The following LRBA variants were observed in gnomAD, a reference collection of about 807,000 sequenced individuals.
LRBA encodes the protein lipopolysaccharide-responsive and beige-like anchor protein.
LRBA carries 176 observed loss-of-function variants against 330.0 expected under a neutral mutation model. That is an observed-to-expected ratio of 0.53 (90% CI 0.47 to 0.60). The LOEUF is 0.60. Ranked by LOEUF, LRBA falls within the 20% of genes least tolerant of loss-of-function variation. The pLI, the probability that LRBA is intolerant of heterozygous loss-of-function variation, is 0.00. For synonymous variants in LRBA, 1,230 were observed against 1,193.0 expected (o/e 1.03, Z -0.64); for missense variants, 3,259 against 3,444.8 (o/e 0.95, Z 1.35).
At chr4:150,757,955 G>A (rs2126444807) in intron 35 of LRBA, among the ~76,000 whole-genome samples, 1 of 152,190 alleles carries the variant, frequency 6.6e-6, no homozygotes, top group Non-Finnish European at 1.5e-5. Context: ...AATAAGAAAA[G>A]CAAAGGTAAA....
chr4:150,697,351 A>AAAAAAAAAC (rs1491393713), intron 36 of LRBA, among the ~76,000 whole-genome samples: 2 of 148,084 alleles, frequency 1.4e-5, no homozygotes, highest in Admixed American at 6.7e-5. Flanking sequence ...AAAAAAAAAA[A>AAAAAAAAAC]CAGGGAGAGT....
chr4:150,933,444 C>A (rs966838423), intron 2 of LRBA, among the ~76,000 whole-genome samples: 1 of 151,300 alleles, frequency 6.6e-6, no homozygotes, highest in African/African-American at 2.4e-5. Context: ...AAGAATGAGG[C>A]CACTCCACAT....
intron 40 of LRBA, among the ~76,000 whole-genome samples, chr4:150,555,092 G>C (rs939953222): frequency 6.6e-6 from 1 of 152,018 alleles, no homozygotes; most frequent in Non-Finnish European, 1.5e-5. Context: ...AGATTCAAAG[G>C]CCCTTAAAAT....
intron 37 of LRBA, among the ~76,000 whole-genome samples, chr4:150,648,509 A>G (rs1472456879): frequency 6.6e-6 from 1 of 151,972 alleles, no homozygotes; most frequent in Non-Finnish European, 1.5e-5. Context: ...TCCAACAATA[A>G]AAGTCTGCAA....
chr4:150,303,748 T>C (rs1580955440), intron 52 of LRBA, among the ~76,000 whole-genome samples: 1 of 152,212 alleles, frequency 6.6e-6, no homozygotes, highest in Admixed American at 6.5e-5. Flanking sequence ...TAATTTTTTG[T>C]ATTTTTAGTA....
chr4:150,981,977 A>AG (rs1241818546), intron 2 of LRBA, among the ~76,000 whole-genome samples: 1 of 152,002 alleles, frequency 6.6e-6, no homozygotes, highest in Non-Finnish European at 1.5e-5. Flanking sequence ...AAAAAAAAAA[A>AG]AAAGTAACCT....
At chr4:150,351,476 T>G (rs1347823922) in intron 47 of LRBA, among the ~76,000 whole-genome samples, 1 of 151,910 alleles carries the variant, frequency 6.6e-6, no homozygotes, top group Non-Finnish European at 1.5e-5. Context: ...GATCACGAGG[T>G]CAGGAGATCG....
chr4:150,973,593 T>C lies in LRBA; in HGVS notation c.216+40834A>G, dbSNP rs116870193. ...GTGTACAATATAGAGTAAAATCTTC[T>C]AATAATTCTGTTCTAATAACTGTGT... On this transcript the variant is annotated intron_variant, in intron 2 of 56. Coordinates refer to ENST00000651943, the MANE Select transcript of LRBA (RefSeq NM_001364905.1). 5.9e-5 allele frequency among the ~76,000 whole-genome samples: 9 copies of C among 152,360 alleles called. No homozygotes were observed. The East Asian group carries it at 1.7e-3, about 29-fold the overall frequency.
At chr4:150,740,758 A>G (rs1228421801) in intron 35 of LRBA, among the ~76,000 whole-genome samples, 1 of 152,128 alleles carries the variant, frequency 6.6e-6, no homozygotes, top group African/African-American at 2.4e-5. Flanking sequence ...ATACAGTCCA[A>G]TCAAAATCCT....
chr4:150,639,815 GTGTGTA>G (rs1319405512), intron 37 of LRBA, among the ~76,000 whole-genome samples: 55 of 4,884 alleles, frequency 0.011, no homozygotes, highest in African/African-American at 0.021. Context: ...ATGTGTGTGT[GTGTGTA>G]TATATATATA....
In LRBA at chr4:150,980,959, T is replaced by G. The variant is rs556977931; in HGVS notation, c.216+33468A>C. On this transcript the variant is annotated intron_variant, in intron 2 of 56. Transcript: ENST00000651943. ...TACAATGAAAACAATAAAATACTGGTGAAAAAAAGTGAAGAGGACACCAAA... is the reference window on the plus strand; with the variant it reads ...TACAATGAAAACAATAAAATACTGGGGAAAAAAAGTGAAGAGGACACCAAA... 2.6e-5 allele frequency among the ~76,000 whole-genome samples: 4 copies of G among 151,100 alleles called. No homozygotes were observed. The South Asian group carries it at 8.4e-4, about 32-fold the overall frequency.
At chr4:150,962,454 G>A (rs1738253593) in intron 2 of LRBA, among the ~76,000 whole-genome samples, 2 of 149,000 alleles carry the variant, frequency 1.3e-5, no homozygotes, top group African/African-American at 2.6e-5. Context: ...GGAAGTCCCA[G>A]CTACAGTAAG....
intron 37 of LRBA, among the ~76,000 whole-genome samples, chr4:150,624,031 T>C (rs1382693424): frequency 6.6e-6 from 1 of 152,148 alleles, no homozygotes; most frequent in African/African-American, 2.4e-5. Flanking sequence ...AGGTACAAAC[T>C]ATATGAACAG....
intron 31 of LRBA, among the ~76,000 whole-genome samples, chr4:150,809,719 G>A (rs930746157): frequency 6.6e-6 from 1 of 152,108 alleles, no homozygotes; most frequent in African/African-American, 2.4e-5. Context: ...GCCAGGAATG[G>A]TTGTGTGTGC....
intron 37 of LRBA, among the ~76,000 whole-genome samples, chr4:150,654,747 T>C (rs971634382): frequency 1.2e-4 from 19 of 152,160 alleles, no homozygotes; most frequent in Non-Finnish European, 2.2e-4. Context: ...CCTGTGTCCA[T>C]GTGTTCTCAT....
intron 37 of LRBA, among the ~76,000 whole-genome samples, chr4:150,606,202 T>A (rs1185779959): frequency 6.6e-6 from 1 of 152,132 alleles, no homozygotes; most frequent in African/African-American, 2.4e-5. Context: ...GTTGACCATT[T>A]CTTTCTTCAC....
intron 37 of LRBA, among the ~76,000 whole-genome samples, chr4:150,635,950 T>C (rs1777856876): frequency 6.6e-6 from 1 of 152,212 alleles, no homozygotes; most frequent in Admixed American, 6.5e-5. Context: ...TCAATTATTT[T>C]GTAGAATGTC....
chr4:150,730,514 C>A (rs144238995), intron 36 of LRBA, among the ~76,000 whole-genome samples: 1 of 151,768 alleles, frequency 6.6e-6, no homozygotes, highest in East Asian at 1.9e-4. Context: ...AAAATCCCAT[C>A]TCTACTAAAA....
At chr4:150,288,728 C>CT (rs34527640) in intron 53 of LRBA, among the ~76,000 whole-genome samples, 74,548 of 145,972 alleles carry the variant, frequency 0.51, 19,582 homozygotes, top group South Asian at 0.6. Context: ...CCATTGGCAA[C>CT]TTTTTTTTTT....
Sources: gnomAD v4.1 joint callset for allele counts (sites outside exome capture counted in the v4.1 genomes callset) on GRCh38, gnomAD v4.1.1 for gene constraint, MANE v1.5 for transcripts, NCBI Gene and HGNC (gene_info 2026-07-23, HGNC 2026-07-21) for gene names.